Variants in PSMD11 observed in about 807,000 individuals in gnomAD.
PSMD11 encodes the protein 26S proteasome non-ATPase regulatory subunit 11.
In PSMD11, 5 loss-of-function variants were observed where a neutral mutation model predicts 62.3. The ratio of observed to expected loss-of-function variants is 0.08; its 90% CI spans 0.04 to 0.17. PSMD11 has a LOEUF of 0.17. PSMD11 is among the 10% of genes least tolerant of loss of function. The probability of loss-of-function intolerance (pLI) is 1.00; values close to 1 mark genes in which losing one functional copy is unlikely to be tolerated. For synonymous variants in PSMD11, 191 were observed against 191.8 expected, an observed-to-expected ratio of 1.00 and a Z score of 0.03; for missense variants, 310 against 512.9, an observed-to-expected ratio of 0.60 and a Z score of 3.82.
intron 2 of PSMD11, among the ~76,000 whole-genome samples, chr17:32,447,838 A>G (rs1907373864): frequency 6.6e-6 from 1 of 151,862 alleles, no homozygotes; most frequent in African/African-American, 2.4e-5. Context: ...GGGGTTAGTT[A>G]GCACAACTTC....
chr17:32,463,951 T>C (rs1907917307), intron 3 of PSMD11, 98 bp from the exon 4 acceptor site: 2 of 1,080,838 alleles, frequency 1.9e-6, no homozygotes, highest in African/African-American at 3.1e-5. Flanking sequence ...GCAACATGGA[T>C]AATATGTAAG....
At chr17:32,456,244 A>G (rs1252895160) in intron 3 of PSMD11, among the ~76,000 whole-genome samples, 1 of 152,082 alleles carries the variant, frequency 6.6e-6, no homozygotes, top group Non-Finnish European at 1.5e-5. Context: ...TTTGAAACTG[A>G]CTGATAAATG....
At chr17:32,476,757 A>G (rs1028426324) in intron 8 of PSMD11, 1 of 152,154 alleles carries the variant, frequency 6.6e-6, no homozygotes, top group African/African-American at 2.4e-5. Context: ...CATTTGGTGT[A>G]ATATGTTAAT....
chr17:32,475,844 C>T (rs1316528578), intron 8 of PSMD11, among the ~76,000 whole-genome samples: 1 of 151,934 alleles, frequency 6.6e-6, no homozygotes, highest in Non-Finnish European at 1.5e-5. Flanking sequence ...CCGCCCACCT[C>T]AACCTCCAAA....
intron 6 of PSMD11, among the ~76,000 whole-genome samples, chr17:32,469,571 C>T (rs1177197631): frequency 6.6e-6 from 1 of 152,166 alleles, no homozygotes; most frequent in Non-Finnish European, 1.5e-5. Context: ...TTCCAAAGGG[C>T]CTCAAATCAG....
chr17:32,472,827 A>G (rs1428328839), intron 6 of PSMD11, among the ~76,000 whole-genome samples: 2 of 142,878 alleles, frequency 1.4e-5, no homozygotes, highest in East Asian at 2.2e-4. Context: ...ATGAGCCACC[A>G]TGCCCGGCCT....
intron 5 of PSMD11, among the ~76,000 whole-genome samples, chr17:32,465,752 T>C (rs1269034462): frequency 2.7e-5 from 4 of 150,716 alleles, no homozygotes; most frequent in African/African-American, 9.9e-5. Flanking sequence ...GGCAGGCAGA[T>C]TGCCTGAGCT....
intron 3 of PSMD11, among the ~76,000 whole-genome samples, chr17:32,462,900 C>T (rs1907884040): frequency 6.6e-6 from 1 of 152,184 alleles, no homozygotes; most frequent in South Asian, 2.1e-4. Flanking sequence ...GTTGGTCAGG[C>T]TGGTCTTGAA....
chr17:32,481,646 T>TA lies in PSMD11; in HGVS notation c.*894_*895insA, dbSNP rs1908498099. On this transcript the variant is annotated 3_prime_UTR_variant, in exon 14 of 14. Transcript: ENST00000261712. ...CCCTCTCAACCAGGAGACCATCATG[T>TA]CTCTCTGCCTTCCTCCTCTCCCCTC... The TA allele has an allele frequency of 6.6e-6, 1 of 152,114 alleles. No individual in the cohort carries two copies. The highest frequency in any genetic ancestry group is 2.1e-4 in the South Asian group (1 of 4,818). 9.4% of individuals were successfully genotyped at this position (152,114 alleles called of 1,614,324 possible). A position where few individuals can be genotyped will look rare whatever the true frequency, so the allele number is the denominator to read the frequency against.
chr17:32,472,461 T>C (rs1167266588), intron 6 of PSMD11, among the ~76,000 whole-genome samples: 1 of 151,680 alleles, frequency 6.6e-6, no homozygotes, highest in Admixed American at 6.6e-5. Context: ...GACCCTCAAG[T>C]GATCTGGCTG....
At chr17:32,478,874 G>C (rs544718288) in intron 9 of PSMD11, among the ~76,000 whole-genome samples, 1 of 152,230 alleles carries the variant, frequency 6.6e-6, no homozygotes, top group Non-Finnish European at 1.5e-5. Flanking sequence ...GGTCCCTAGG[G>C]TGACTCCACC....
chr17:32,479,387 T>C lies in PSMD11; in HGVS notation c.1038+11T>C. 1 of 1,613,356 alleles carries C rather than the reference T, an allele frequency of 6.2e-7. No individual in the cohort carries two copies. Among genetic ancestry groups the C allele is most frequent in the Non-Finnish European group, 8.5e-7 (1 of 1,179,588 alleles). On this transcript the variant is annotated intron_variant, in intron 10 of 13. Coordinates refer to ENST00000261712, the MANE Select transcript of PSMD11 (RefSeq NM_002815.4). ...TTTTCCAGAGTACAGGTGAGAACCC[T>C]CTGGGGACTCCATTTCTGGCCAGGC...
At chr17:32,447,772 G>A (rs886815726) in intron 2 of PSMD11, among the ~76,000 whole-genome samples, 1 of 152,020 alleles carries the variant, frequency 6.6e-6, no homozygotes, top group African/African-American at 2.4e-5. Flanking sequence ...ATTAAGATCT[G>A]GTAAGTGACC....
At position 32,450,557 on chromosome 17, in the gene PSMD11, G is replaced by A. The variant is rs1227504035; in HGVS notation, c.193+3511G>A. On this transcript the variant is annotated intron_variant, in intron 2 of 13. Transcript: ENST00000261712. Reference sequence around the variant, plus strand: ...GCTGGGATTCCAGGTGTGAGCCACCGCGCCCAGCCAAGTTCTGTGAGGTTC... The same window carrying A: ...GCTGGGATTCCAGGTGTGAGCCACCACGCCCAGCCAAGTTCTGTGAGGTTC... Among the ~76,000 whole-genome samples the A allele has an allele frequency of 4.0e-5, 6 of 151,276 alleles. No individual in the cohort carries two copies. In the East Asian group the frequency reaches 9.8e-4, roughly 25 times the overall value.
At chr17:32,475,390 GAC>G (rs1475420538) in intron 8 of PSMD11, among the ~76,000 whole-genome samples, 2 of 151,742 alleles carry the variant, frequency 1.3e-5, no homozygotes, top group African/African-American at 4.8e-5. Flanking sequence ...TCTGAGAGCA[GAC>G]AGTTAGGACC....
intron 8 of PSMD11, chr17:32,477,181 T>C (rs1270944416): frequency 1.3e-5 from 3 of 229,634 alleles, no homozygotes; most frequent in Non-Finnish European, 2.5e-5. Context: ...GATGTGGCGA[T>C]AACAAGCCTT....
intron 1 of PSMD11, chr17:32,444,833 C>T (rs940172821): frequency 8.6e-6 from 5 of 580,646 alleles, no homozygotes; most frequent in Admixed American, 3.6e-5. Context: ...CCCTCGCCGG[C>T]TGCTGACTCA....
chr17:32,464,493 T>C lies in PSMD11; in HGVS notation c.391-28T>C, dbSNP rs773851645. 2.6e-6 allele frequency: 4 copies of C among 1,555,092 alleles called. No homozygotes were observed. In the East Asian group the frequency reaches 9.1e-5, roughly 35 times the overall value. On this transcript the variant is annotated intron_variant, in intron 4 of 13. Coordinates refer to ENST00000261712, the MANE Select transcript of PSMD11 (RefSeq NM_002815.4). ...TCTTTCTGTGGCTTTTTCCCCCCCC[T>C]TCAATCAATGCCTTTTCTCTTTCCT...
intron 5 of PSMD11, among the ~76,000 whole-genome samples, chr17:32,467,286 C>T (rs1220354448): frequency 3.2e-5 from 4 of 126,082 alleles, no homozygotes; most frequent in African/African-American, 1.2e-4. Context: ...TGCTCTGTCT[C>T]CCAGGCTGGA....
Sources: allele counts gnomAD v4.1 joint callset (sites outside exome capture counted in the v4.1 genomes callset), GRCh38; gene constraint gnomAD v4.1.1; transcripts MANE v1.5; gene names NCBI Gene and HGNC (gene_info 2026-07-23, HGNC 2026-07-21).